The following TRIM68 variants were observed in gnomAD, a reference collection of about 807,000 sequenced individuals.
The protein encoded by TRIM68 is E3 ubiquitin-protein ligase TRIM68.
Under a neutral mutation model 41.9 loss-of-function variants are expected in TRIM68, and 36 were observed. The observed-to-expected ratio is 0.86, with a 90% CI of 0.66 to 1.14. TRIM68 has a LOEUF of 1.14. Among genes scored for constraint, TRIM68 ranks in the 50% most tolerant of loss-of-function variants. The pLI, the probability that TRIM68 is intolerant of heterozygous loss-of-function variation, is 0.00. For synonymous variants in TRIM68, 225 were observed against 224.6 expected (o/e 1.00, Z -0.02); for missense variants, 632 against 605.1 (o/e 1.04, Z -0.47).
chr11:4,602,000 G>T, intron 4 of TRIM68, 152 bp downstream of exon 4: 1 of 1,162,616 alleles, frequency 8.6e-7, no homozygotes, highest in Non-Finnish European at 1.2e-6. Flanking sequence ...CAGGGATAGG[G>T]AAACAGCAGG....
In TRIM68 at chr11:4,602,419, A is replaced by G. The variant is rs1194058678; in HGVS notation, c.523-7T>C. On this transcript the variant is annotated splice_region_variant and splice_polypyrimidine_tract_variant and intron_variant, in intron 3 of 6. Transcript: ENST00000300747. ...TTCGGGTTTCCACCTGTATCTGTGGAGCCAAGATGGAAATCAGCACTGATA... is the reference window on the plus strand; with the variant it reads ...TTCGGGTTTCCACCTGTATCTGTGGGGCCAAGATGGAAATCAGCACTGATA... The G allele has an allele frequency of 6.2e-7, 1 of 1,612,322 alleles. No individual in the cohort carries two copies. The highest frequency in any genetic ancestry group is 8.5e-7 in the Non-Finnish European group (1 of 1,179,254).
At position 4,607,543 on chromosome 11, in the gene TRIM68, AAAGT is replaced by A. The variant is rs57341642; in HGVS notation, c.-58+480_-58+483del. Among the ~76,000 whole-genome samples, 362 of 152,358 alleles carry A rather than the reference AAAGT, an allele frequency of 2.4e-3. 1 individual carries two copies. The highest frequency in any genetic ancestry group is 7.7e-3 in the African/African-American group (321 of 41,586). ...AAATTGACAAGATTGTGGCAGTAAG[AAAGT>A]AAGGCAAAGAAATATCAAAATGATA... On this transcript the variant is annotated intron_variant, in intron 1 of 6. Transcript: ENST00000300747.
chr11:4,601,327 G>C, intron 5 of TRIM68, 200 bp from the exon 6 acceptor site: 2 of 603,598 alleles, frequency 3.3e-6, no homozygotes, highest in Non-Finnish European at 5.9e-6. Context: ...GCTATGGGAA[G>C]GGTTGGATGT....
intron 1 of TRIM68, among the ~76,000 whole-genome samples, chr11:4,606,830 T>G (rs1263907363): frequency 1.3e-5 from 2 of 152,190 alleles, no homozygotes; most frequent in African/African-American, 2.4e-5. Flanking sequence ...AAAATCACTG[T>G]GGTTTAGCGC....
At chr11:4,603,049 C>T (rs1224028571) in intron 3 of TRIM68, among the ~76,000 whole-genome samples, 196 bp downstream of exon 3, 4 of 152,132 alleles carry the variant, frequency 2.6e-5, no homozygotes, top group Non-Finnish European at 5.9e-5. Flanking sequence ...TCCCTACATC[C>T]CCATGGAGAA....
At chr11:4,601,872 C>T in intron 4 of TRIM68, 186 bp from the exon 5 acceptor site, 1 of 824,658 alleles carries the variant, frequency 1.2e-6, no homozygotes, top group Non-Finnish European at 1.9e-6. Flanking sequence ...GCTGAACTGG[C>T]CAATTTCAGG....
chr11:4,603,093 G>T, intron 3 of TRIM68, 152 bp downstream of exon 3: 1 of 733,264 alleles, frequency 1.4e-6, no homozygotes, highest in Non-Finnish European at 2.3e-6. Flanking sequence ...CCTACCTAAG[G>T]CCTGGGACAG....
At chr11:4,604,743 A>T (rs74052458) in intron 2 of TRIM68, among the ~76,000 whole-genome samples, 7,434 of 152,274 alleles carry the variant, frequency 0.049, 192 homozygotes, top group Non-Finnish European at 0.061. Context: ...GACCATCTAT[A>T]TAAGAGCCTC....
intron 1 of TRIM68, among the ~76,000 whole-genome samples, chr11:4,607,035 G>A (rs1306440197): frequency 6.6e-6 from 1 of 152,008 alleles, no homozygotes. Context: ...ATCTATCCTG[G>A]CTCCCGGTTA....
chr11:4,603,585 C>A (rs985070736), intron 2 of TRIM68, among the ~76,000 whole-genome samples: 7 of 152,330 alleles, frequency 4.6e-5, no homozygotes, highest in East Asian at 3.9e-4. Context: ...CCATTTACAA[C>A]CTCTCCACAA....
intron 5 of TRIM68, 166 bp from the exon 6 acceptor site, chr11:4,601,293 A>AG (rs1168657277): frequency 1.6e-6 from 1 of 633,344 alleles, no homozygotes; most frequent in Non-Finnish European, 2.8e-6. Context: ...TTGTGTGCAG[A>AG]GGTGAGAACA....
intron 2 of TRIM68, 120 bp from the exon 3 acceptor site, chr11:4,603,460 G>A: frequency 1.2e-6 from 1 of 834,528 alleles, no homozygotes. Flanking sequence ...TGTGGGGAAA[G>A]GGAATGCCAC....
At position 4,600,141 on chromosome 11, in the gene TRIM68, A is replaced by G; in HGVS notation, c.*135T>C. On this transcript the variant is annotated 3_prime_UTR_variant, in exon 7 of 7. Coordinates refer to ENST00000300747, the MANE Select transcript of TRIM68 (RefSeq NM_018073.8). ...AGACTTCAGCCTGGTAGCAAAGACC[A>G]AAGGATCAGACAGAGGAATCCTTGG... 1.1e-6 allele frequency: 1 copy of G among 906,450 alleles called. No homozygotes were observed. Among genetic ancestry groups the G allele is most frequent in the Non-Finnish European group, 1.6e-6 (1 of 616,690 alleles). 56.2% of individuals were successfully genotyped at this position (906,450 alleles called of 1,614,324 possible). A position where few individuals can be genotyped will look rare whatever the true frequency, so the allele number is the denominator to read the frequency against.
intron 5 of TRIM68, 49 bp from the exon 6 acceptor site, chr11:4,601,176 A>T (rs757212594): frequency 7.0e-7 from 1 of 1,426,730 alleles, no homozygotes; most frequent in Non-Finnish European, 9.9e-7. Context: ...GCTTTGTCAC[A>T]TGGGCCTTAT....
intron 1 of TRIM68, among the ~76,000 whole-genome samples, chr11:4,606,902 G>A (rs993197284): frequency 6.6e-6 from 1 of 152,196 alleles, no homozygotes; most frequent in African/African-American, 2.4e-5. Context: ...ATATGCCATT[G>A]GCAGGGCATG....
chr11:4,603,256 C>G lies in TRIM68; in HGVS notation c.511G>C (p.Ala171Pro). Residue 171 changes from alanine to proline, a missense_variant, in exon 3 of 7, where the codon GCC becomes CCC. Coordinates refer to ENST00000300747, the MANE Select transcript of TRIM68 (RefSeq NM_018073.8). ...ACGAGGCAACCTGCCTTCCAGGTGG[C>G]AGTTCGTTTCCTTTCACCAACTTCA... ...KLEVGERKRTATWKIQVETRK... is the reference protein window; with the variant it reads ...KLEVGERKRTPTWKIQVETRK... 1 of 1,614,234 alleles carries G rather than the reference C, an allele frequency of 6.2e-7. No individual in the cohort carries two copies. The highest frequency in any genetic ancestry group is 8.5e-7 in the Non-Finnish European group (1 of 1,180,040).
Position 4,602,152 on chromosome 11 carries a change from C to T in TRIM68, c.783G>A (p.Gln261=), listed in dbSNP as rs1846499687. The change falls in exon 4 of 7, where the codon CAG becomes CAA. Residue 261 remains glutamine, a splice_region_variant and synonymous_variant. Coordinates refer to ENST00000300747, the MANE Select transcript of TRIM68 (RefSeq NM_018073.8). The part of the protein sequence containing the change: ...RSQRPVRWML[Q]DIQEVLNRSK... ...GTTACCAGGAAAACCTACTACTCAC[C>T]TGCAACATCCAGCGGACAGGCCTCT... The T allele has an allele frequency of 6.2e-7, 1 of 1,614,180 alleles. No homozygotes were observed. Among genetic ancestry groups the T allele is most frequent in the Non-Finnish European group, 8.5e-7 (1 of 1,180,030 alleles).
rs115122053 is a variant in TRIM68 at position 4,604,093 on chromosome 11, G to A, written c.427-753C>T. 6.5e-3 allele frequency among the ~76,000 whole-genome samples: 993 copies of A among 152,190 alleles called. 11 individuals carry two copies. The highest frequency in any genetic ancestry group is 0.021 in the African/African-American group (862 of 41,528). ...ATTCAGGTAATAAATGGTTGGGCTG[G>A]GATTTCATCCAGCCCTTTACCCCTA... On this transcript the variant is annotated intron_variant, in intron 2 of 6. Transcript: ENST00000300747.
In TRIM68 at chr11:4,603,160, A is replaced by G; in HGVS notation, c.522+85T>C. On this transcript the variant is annotated intron_variant, in intron 3 of 6. Transcript: ENST00000300747. ...GATTTCAAGCCTCACATTCTGCCTC[A>G]CAGTGATGAGAATGCTACCCTAGGC... 10 of 1,240,456 alleles carry G rather than the reference A, an allele frequency of 8.1e-6. No homozygotes were observed. In the Middle Eastern group the frequency reaches 5.6e-4, roughly 70 times the overall value. The allele number at this position is 1,240,456 out of a possible 1,614,324, so 76.8% of individuals were successfully genotyped here.
Sources: allele counts gnomAD v4.1 joint callset (sites outside exome capture counted in the v4.1 genomes callset), GRCh38; gene constraint gnomAD v4.1.1; transcripts MANE v1.5; gene names NCBI Gene and HGNC (gene_info 2026-07-23, HGNC 2026-07-21).